Variants in KIF4A observed in about 807,000 individuals in gnomAD.
KIF4A encodes the protein chromosome-associated kinesin KIF4A.
Under a neutral mutation model 105.9 loss-of-function variants are expected in KIF4A, and 7 were observed. That is an observed-to-expected ratio of 0.07 (90% CI 0.04 to 0.12). KIF4A has a LOEUF of 0.12. KIF4A is among the 10% of genes least tolerant of loss of function. KIF4A has a pLI of 1.00. For synonymous variants in KIF4A, 281 were observed against 331.3 expected (o/e 0.85, Z 1.65); for missense variants, 558 against 929.2 (o/e 0.60, Z 5.19).
chrX:70,396,667 G>A (rs775240249), intron 22 of KIF4A, among the ~76,000 whole-genome samples: 2 of 112,512 alleles, frequency 1.8e-5, no homozygotes, highest in African/African-American at 6.4e-5. Context: ...CAACAACACA[G>A]AAGGTGAACT....
At chrX:70,375,131 G>A (rs1180092940) in intron 16 of KIF4A, 73 bp from the exon 17 acceptor site, 3 of 1,089,916 alleles carry the variant, frequency 2.8e-6, no homozygotes, top group Non-Finnish European at 3.7e-6. Context: ...GTAACTCTGG[G>A]AGTCTAGTAT....
At chrX:70,320,674 G>T (rs1043142945) in intron 7 of KIF4A, among the ~76,000 whole-genome samples, 1 of 111,845 alleles carries the variant, frequency 8.9e-6, no homozygotes, top group African/African-American at 3.3e-5. Flanking sequence ...GGCCAAGAAG[G>T]GTGTGGGAGT....
At chrX:70,299,080 T>G in intron 4 of KIF4A, 33 bp from the exon 5 acceptor site, 1 of 1,142,844 alleles carries the variant, frequency 8.8e-7, no homozygotes, top group Non-Finnish European at 1.2e-6. Context: ...TGTTAACATC[T>G]TGTTTTTGCC....
At chrX:70,352,563 A>T in intron 13 of KIF4A, 37 bp from the exon 14 acceptor site, 1 of 1,109,184 alleles carries the variant, frequency 9.0e-7, no homozygotes, top group Non-Finnish European at 1.2e-6. Flanking sequence ...GCTTTACTTC[A>T]GACTCTTTCC....
At chrX:70,405,493 A>G in intron 25 of KIF4A, among the ~76,000 whole-genome samples, 1 of 111,892 alleles carries the variant, frequency 8.9e-6, no homozygotes, top group Middle Eastern at 4.6e-3. Context: ...TCAAGAAAAT[A>G]GAGCTAAGTT....
At chrX:70,303,990 C>T (rs533320492) in intron 7 of KIF4A, among the ~76,000 whole-genome samples, 3,126 of 97,907 alleles carry the variant, frequency 0.032, 59 homozygotes, top group Middle Eastern at 0.051. Flanking sequence ...GCACAATGTG[C>T]AGGTTAGTTA....
At chrX:70,290,368 G>C (rs1352502575) in intron 1 of KIF4A, 70 bp from the exon 2 acceptor site, 1 of 1,127,411 alleles carries the variant, frequency 8.9e-7, no homozygotes, top group African/African-American at 1.8e-5. Context: ...GTCGGAACCG[G>C]GGAGGACGCC....
At chrX:70,378,316 G>GT (rs1026083581) in intron 18 of KIF4A, among the ~76,000 whole-genome samples, 12 of 110,434 alleles carry the variant, frequency 1.1e-4, no homozygotes, top group African/African-American at 3.0e-4. Context: ...CTGCATCTCA[G>GT]TTTTTTTTAA....
intron 7 of KIF4A, among the ~76,000 whole-genome samples, chrX:70,322,724 T>A (rs1202830877): frequency 5.7e-5 from 5 of 87,314 alleles, no homozygotes; most frequent in African/African-American, 1.7e-4. Context: ...TTTTTTTTTT[T>A]AATCTGGCTC....
chrX:70,383,560 G>A (rs1185602585), intron 18 of KIF4A, among the ~76,000 whole-genome samples: 1 of 112,018 alleles, frequency 8.9e-6, no homozygotes, highest in African/African-American at 3.2e-5. Flanking sequence ...ACGAAAACAT[G>A]TCATATATGC....
At chrX:70,341,722 G>A (rs2085972982) in intron 10 of KIF4A, 77 bp from the exon 11 acceptor site, 2 of 1,050,776 alleles carry the variant, frequency 1.9e-6, no homozygotes, top group Non-Finnish European at 2.6e-6. Flanking sequence ...AAGGCCTATG[G>A]GATATATTTT....
In KIF4A at chrX:70,375,241, G is replaced by A. The variant is rs755600884; in HGVS notation, c.1816G>A (p.Glu606Lys). The A allele has an allele frequency of 3.3e-6, 4 of 1,211,354 alleles. No individual in the cohort carries two copies. ...CCGCCGCAAACGTCTCCAGGAGCTGGAGGGTCAAATTGCTGATCTGAAGAA... is the reference window on the plus strand; with the variant it reads ...CCGCCGCAAACGTCTCCAGGAGCTGAAGGGTCAAATTGCTGATCTGAAGAA... ...ERRRKRLQELEGQIADLKKKL... is the reference protein window; with the variant it reads ...ERRRKRLQELKGQIADLKKKL... Residue 606 changes from glutamate (E) to lysine (K), a missense_variant, in exon 17 of 31, where the codon GAG becomes AAG. This residue lies in a region of KIF4A where 469 missense variants were observed against 680.4 expected (regional missense o/e 0.69). Transcript: ENST00000374403.
intron 18 of KIF4A, among the ~76,000 whole-genome samples, chrX:70,376,524 A>AG (rs11420536): frequency 9.0e-6 from 1 of 110,815 alleles, no homozygotes; most frequent in African/African-American, 3.3e-5. Flanking sequence ...GAATAAAATA[A>AG]AAAGTAACTA....
At chrX:70,291,471 G>A (rs1476663213) in intron 3 of KIF4A, among the ~76,000 whole-genome samples, 1 of 110,722 alleles carries the variant, frequency 9.0e-6, no homozygotes, top group East Asian at 2.8e-4. Flanking sequence ...GAGAAGGGGA[G>A]TGCCTAAAGC....
chrX:70,368,096 C>T (rs1876764912), intron 15 of KIF4A, among the ~76,000 whole-genome samples: 2 of 112,318 alleles, frequency 1.8e-5, no homozygotes, highest in South Asian at 7.4e-4. Flanking sequence ...TGGTTTTCAG[C>T]TCCATCAGGT....
rs1203314466 is a variant in KIF4A, at chrX:70,420,285, A to C, written c.*20A>C. On this transcript the variant is annotated 3_prime_UTR_variant, in exon 31 of 31. Coordinates refer to ENST00000374403, the MANE Select transcript of KIF4A (RefSeq NM_012310.5). Reference sequence around the variant, plus strand: ...CACTGAAGTTGGAGTCATCATCTCTACCCCCAGTCTGGCTTGGGAGATGCT... The same window carrying C: ...CACTGAAGTTGGAGTCATCATCTCTCCCCCCAGTCTGGCTTGGGAGATGCT... 2 of 1,183,718 alleles carry C rather than the reference A, an allele frequency of 1.7e-6. No homozygotes were observed. The highest frequency in any genetic ancestry group is 2.3e-6 in the Non-Finnish European group (2 of 883,559).
chrX:70,302,176 G>A, intron 6 of KIF4A, 110 bp downstream of exon 6: 1 of 1,079,511 alleles, frequency 9.3e-7, no homozygotes, highest in Non-Finnish European at 1.3e-6. Flanking sequence ...AGTATTGTGA[G>A]CACGAGTGAC....
rs1460014788 is a variant in KIF4A at position 70,387,166 on chromosome X, T to C, written c.2119-18T>C. The C allele has an allele frequency of 1.9e-6, 2 of 1,046,609 alleles. No individual in the cohort carries two copies. Among genetic ancestry groups the C allele is most frequent in the South Asian group, 4.1e-5 (2 of 48,895 alleles). 86.3% of individuals were successfully genotyped at this position (1,046,609 alleles called of 1,213,427 possible). A position where few individuals can be genotyped will look rare whatever the true frequency, so the allele number is the denominator to read the frequency against. ...TTTTACCATTCATTCAACATTACTA[T>C]GTGCCAATTTTATTTAGGCAGCAGC... On this transcript the variant is annotated intron_variant, in intron 19 of 30. Coordinates refer to ENST00000374403, the MANE Select transcript of KIF4A (RefSeq NM_012310.5).
Position 70,372,646 on chromosome X carries a change from A to T in KIF4A, c.1675-1505A>T, listed in dbSNP as rs748254933. Among the ~76,000 whole-genome samples the T allele has an allele frequency of 1.4e-3, 157 of 112,780 alleles. 2 individuals are homozygous for T. Among genetic ancestry groups the T allele is most frequent in the African/African-American group, 4.2e-3 (129 of 31,039 alleles). On this transcript the variant is annotated intron_variant, in intron 15 of 30. Transcript: ENST00000374403. The stretch of plus-strand genomic sequence containing the variant: ...AGGGAGACCGTGGAAAGAGAGGGAG[A>T]GGGAGACCGTGGGGAGAGGGAGACA...
Sources: gnomAD v4.1 joint callset for allele counts (sites outside exome capture counted in the v4.1 genomes callset) on GRCh38, gnomAD v4.1.1 for gene constraint, gnomAD v4.1.1 regional missense constraint, MANE v1.5 for transcripts, NCBI Gene and HGNC (gene_info 2026-07-23, HGNC 2026-07-21) for gene names.